EXT1: variants seen among roughly 807,000 people sequenced by gnomAD.
EXT1 encodes the protein exostosin-1.
Under a neutral mutation model 82.5 loss-of-function variants are expected in EXT1, and 20 were observed. The observed-to-expected ratio is 0.24, with a 90% CI of 0.17 to 0.35. EXT1 has a LOEUF of 0.35. Ranked by LOEUF, EXT1 falls within the 10% of genes least tolerant of loss-of-function variation. EXT1 has a pLI of 1.00. For missense variants in EXT1, 757 were observed against 936.5 expected, an observed-to-expected ratio of 0.81 and a Z score of 2.50; for synonymous variants, 348 against 350.8, an observed-to-expected ratio of 0.99 and a Z score of 0.09.
At chr8:117,847,678 C>T (rs1404727006) in intron 1 of EXT1, among the ~76,000 whole-genome samples, 1 of 152,120 alleles carries the variant, frequency 6.6e-6, no homozygotes. Context: ...AAACTGAGCT[C>T]GAACCAATGT....
chr8:117,925,148 G>A (rs1482564628), intron 1 of EXT1, among the ~76,000 whole-genome samples: 1 of 152,116 alleles, frequency 6.6e-6, no homozygotes, highest in Non-Finnish European at 1.5e-5. Context: ...GCTGGAAATG[G>A]GAATGCATTT....
chr8:117,808,618 C>A (rs1011755939), intron 8 of EXT1, among the ~76,000 whole-genome samples: 2 of 152,152 alleles, frequency 1.3e-5, no homozygotes, highest in Non-Finnish European at 2.9e-5. Flanking sequence ...TCATCTGTTT[C>A]GCAAATATTT....
intron 1 of EXT1, among the ~76,000 whole-genome samples, chr8:117,946,820 G>A (rs922943175): frequency 6.6e-6 from 1 of 152,130 alleles, no homozygotes; most frequent in Non-Finnish European, 1.5e-5. Flanking sequence ...CCTTCCTCTG[G>A]GGAAAGTGAA....
chr8:117,868,321 G>A (rs1285170665), intron 1 of EXT1, among the ~76,000 whole-genome samples: 1 of 152,202 alleles, frequency 6.6e-6, no homozygotes, highest in East Asian at 1.9e-4. Context: ...CTCCTAGGGT[G>A]CAGCATGTGA....
chr8:118,044,745 C>A (rs1816593520), intron 1 of EXT1, among the ~76,000 whole-genome samples: 1 of 152,132 alleles, frequency 6.6e-6, no homozygotes, highest in Admixed American at 6.5e-5. Flanking sequence ...TACTCTATTA[C>A]CCAGGCTGGT....
intron 1 of EXT1, among the ~76,000 whole-genome samples, chr8:117,861,760 T>C (rs112513164): frequency 0.011 from 1,524 of 144,330 alleles, 80 homozygotes; most frequent in African/African-American, 0.035. Flanking sequence ...CCTCCCAGAG[T>C]GCTGAGATTA....
At chr8:117,897,591 CTTTTTTTT>C (rs34963536) in intron 1 of EXT1, among the ~76,000 whole-genome samples, 1 of 90,656 alleles carries the variant, frequency 1.1e-5, no homozygotes, top group African/African-American at 4.4e-5. Flanking sequence ...CTTCTTTTCT[CTTTTTTTT>C]TTTTTTTTTT....
At chr8:118,073,536 G>A (rs2129967180) in intron 1 of EXT1, among the ~76,000 whole-genome samples, 1 of 152,292 alleles carries the variant, frequency 6.6e-6, no homozygotes, top group African/African-American at 2.4e-5. Flanking sequence ...CACAAGAACT[G>A]CCTGAGCCTG....
chr8:117,807,822 T>C (rs1823261436), intron 8 of EXT1, among the ~76,000 whole-genome samples: 2 of 151,666 alleles, frequency 1.3e-5, no homozygotes, highest in South Asian at 2.1e-4. Flanking sequence ...AAAGCCAAAG[T>C]GCCTAAAATA....
intron 1 of EXT1, among the ~76,000 whole-genome samples, chr8:117,956,500 T>G (rs1448062875): frequency 6.6e-6 from 1 of 151,922 alleles, no homozygotes; most frequent in Non-Finnish European, 1.5e-5. Flanking sequence ...CAGGCTGGAG[T>G]GGTATGATCT....
chr8:118,049,360 A>AT (rs1337923819), intron 1 of EXT1, among the ~76,000 whole-genome samples: 2 of 152,114 alleles, frequency 1.3e-5, no homozygotes, highest in East Asian at 1.9e-4. Flanking sequence ...GGGTTTGTTG[A>AT]TTTTTTTCTA....
chr8:118,084,787 G>A (rs1817389503), intron 1 of EXT1, among the ~76,000 whole-genome samples: 1 of 152,204 alleles, frequency 6.6e-6, no homozygotes, highest in South Asian at 2.1e-4. Flanking sequence ...GCAAGTCATT[G>A]AACTCAAGTC....
intron 1 of EXT1, among the ~76,000 whole-genome samples, chr8:117,944,836 C>A (rs1174989264): frequency 6.6e-6 from 1 of 152,138 alleles, no homozygotes; most frequent in Non-Finnish European, 1.5e-5. Context: ...CTGAGAACCT[C>A]TATGGACCAG....
At position 118,110,078 on chromosome 8, in the gene EXT1, C is replaced by T. The variant is rs778490814; in HGVS notation, c.962+7G>A. The T allele has an allele frequency of 1.9e-6, 3 of 1,607,944 alleles. No homozygotes were observed. Among genetic ancestry groups the T allele is most frequent in the Admixed American group, 1.7e-5 (1 of 59,786 alleles). On this transcript the variant is annotated splice_region_variant and intron_variant, in intron 1 of 10. Transcript: ENST00000378204. ...ACTCCCAAAGACACGCCAGCCCAGA[C>T]ACTTACTTCTCATACTCGGTGTTGT...
intron 1 of EXT1, among the ~76,000 whole-genome samples, chr8:117,929,280 TC>T (rs1277409242): frequency 3.3e-5 from 5 of 151,996 alleles, no homozygotes; most frequent in African/African-American, 1.2e-4. Flanking sequence ...TAACATGAGC[TC>T]AAAAAAGATG....
At chr8:118,022,328 T>TTC (rs1460921719) in intron 1 of EXT1, among the ~76,000 whole-genome samples, 1,149 of 62,762 alleles carry the variant, frequency 0.018, 17 homozygotes, top group South Asian at 0.024. Flanking sequence ...TATATATTCT[T>TTC]TTTTTTTTTT....
At chr8:118,048,451 T>C (rs1264369488) in intron 1 of EXT1, among the ~76,000 whole-genome samples, 2 of 152,312 alleles carry the variant, frequency 1.3e-5, no homozygotes, top group South Asian at 2.1e-4. Context: ...ACCTGTTTAT[T>C]TGTTGTTGTT....
intron 1 of EXT1, among the ~76,000 whole-genome samples, chr8:118,100,723 C>T (rs1023151515): frequency 7.9e-5 from 12 of 151,224 alleles, no homozygotes; most frequent in African/African-American, 2.7e-4. Flanking sequence ...TCCAGCCTGG[C>T]GACAGAGCGA....
At chr8:117,980,714 T>C (rs56291290) in intron 1 of EXT1, among the ~76,000 whole-genome samples, 1 of 59,324 alleles carries the variant, frequency 1.7e-5, no homozygotes, top group Non-Finnish European at 3.8e-5. Flanking sequence ...TTTTTTTTTT[T>C]TTTTTTTTTT....
Sources: allele counts gnomAD v4.1 joint callset (sites outside exome capture counted in the v4.1 genomes callset), GRCh38; gene constraint gnomAD v4.1.1; transcripts MANE v1.5; gene names NCBI Gene and HGNC (gene_info 2026-07-23, HGNC 2026-07-21).